Variants in C1orf21 observed in about 807,000 individuals in gnomAD.
The protein encoded by C1orf21 is uncharacterized protein C1orf21.
Under a neutral mutation model 18.7 loss-of-function variants are expected in C1orf21, and 3 were observed. The ratio of observed to expected loss-of-function variants is 0.16; its 90% CI spans 0.07 to 0.42. The LOEUF (loss-of-function observed/expected upper bound fraction) is 0.42, where lower values mean the gene tolerates loss of function less well. Ranked by LOEUF, C1orf21 falls within the 10% of genes least tolerant of loss-of-function variation. The pLI, the probability that C1orf21 is intolerant of heterozygous loss-of-function variation, is 0.99. For synonymous variants in C1orf21, 41 were observed against 46.4 expected, an observed-to-expected ratio of 0.88 and a Z score of 0.47; for missense variants, 104 against 143.6, an observed-to-expected ratio of 0.72 and a Z score of 1.41.
At chr1:184,444,767 A>G (rs371140273) in intron 1 of C1orf21, among the ~76,000 whole-genome samples, 4 of 152,150 alleles carry the variant, frequency 2.6e-5, no homozygotes, top group African/African-American at 4.8e-5. Context: ...CAAGCATTCA[A>G]TGAATCCGTG....
At chr1:184,468,406 A>G (rs1158072213) in intron 1 of C1orf21, among the ~76,000 whole-genome samples, 3 of 152,050 alleles carry the variant, frequency 2.0e-5, no homozygotes, top group Non-Finnish European at 4.4e-5. Context: ...AAGGAGGGGG[A>G]AAAAAGGAGG....
chr1:184,571,447 A>G (rs188618650), intron 3 of C1orf21, among the ~76,000 whole-genome samples: 6 of 152,360 alleles, frequency 3.9e-5, no homozygotes, highest in South Asian at 2.1e-4. Flanking sequence ...CCTAGTATCA[A>G]TGCCGGCTAT....
At chr1:184,454,842 G>A (rs568594095) in intron 1 of C1orf21, among the ~76,000 whole-genome samples, 59 of 152,158 alleles carry the variant, frequency 3.9e-4, no homozygotes, top group African/African-American at 1.4e-3. Flanking sequence ...AAATTACCCA[G>A]TCTCAGGTGT....
intron 3 of C1orf21, among the ~76,000 whole-genome samples, chr1:184,510,042 C>A (rs1054950150): frequency 3.9e-5 from 6 of 152,202 alleles, no homozygotes; most frequent in Admixed American, 3.9e-4. Flanking sequence ...ACATGATAAG[C>A]ACCACCTGTA....
chr1:184,597,212 G>T (rs768470819), intron 4 of C1orf21, among the ~76,000 whole-genome samples: 4 of 152,206 alleles, frequency 2.6e-5, no homozygotes, highest in Non-Finnish European at 5.9e-5. Context: ...GTAAAATTAC[G>T]TGATATATGT....
chr1:184,565,254 A>G (rs1659020014), intron 3 of C1orf21, among the ~76,000 whole-genome samples: 1 of 152,260 alleles, frequency 6.6e-6, no homozygotes, highest in Non-Finnish European at 1.5e-5. Flanking sequence ...AATTAATAGT[A>G]TCTAAGAATT....
chr1:184,432,318 T>C (rs1341189924), intron 1 of C1orf21, among the ~76,000 whole-genome samples: 1 of 152,136 alleles, frequency 6.6e-6, no homozygotes, highest in African/African-American at 2.4e-5. Context: ...GTGGCACATA[T>C]ACATGGAATA....
At chr1:184,442,005 A>C (rs1470080798) in intron 1 of C1orf21, among the ~76,000 whole-genome samples, 1 of 152,196 alleles carries the variant, frequency 6.6e-6, no homozygotes, top group East Asian at 1.9e-4. Flanking sequence ...CAGACTGGTA[A>C]TAAAGTGTAT....
intron 3 of C1orf21, among the ~76,000 whole-genome samples, chr1:184,556,022 A>T (rs1553256222): frequency 6.6e-6 from 1 of 152,008 alleles, no homozygotes; most frequent in Non-Finnish European, 1.5e-5. Context: ...AACGATCTGT[A>T]AGAAATGTCC....
At chr1:184,406,422 A>G (rs1037222974) in intron 1 of C1orf21, among the ~76,000 whole-genome samples, 2 of 152,184 alleles carry the variant, frequency 1.3e-5, no homozygotes, top group Admixed American at 1.3e-4. Flanking sequence ...GATATTAATG[A>G]TAAGTGTTGT....
At chr1:184,473,812 G>A (rs979149535) in intron 1 of C1orf21, among the ~76,000 whole-genome samples, 11 of 152,166 alleles carry the variant, frequency 7.2e-5, no homozygotes, top group East Asian at 1.9e-4. Context: ...ATAGCTGTAC[G>A]TCATTGCTGC....
intron 1 of C1orf21, among the ~76,000 whole-genome samples, chr1:184,474,421 C>G (rs1479989348): frequency 2.0e-5 from 3 of 152,156 alleles, no homozygotes; most frequent in African/African-American, 7.2e-5. Flanking sequence ...AGCCATTCTT[C>G]TGTGTCTTAT....
chr1:184,504,604 CAGATGGATATCT>C (rs1438792412), intron 2 of C1orf21, among the ~76,000 whole-genome samples: 2 of 152,188 alleles, frequency 1.3e-5, no homozygotes, highest in Non-Finnish European at 2.9e-5. Context: ...TGTCTGTTTC[CAGATGGATATCT>C]TCCTTCCCGG....
chr1:184,453,617 C>A (rs1373601150), intron 1 of C1orf21, among the ~76,000 whole-genome samples: 2 of 152,076 alleles, frequency 1.3e-5, no homozygotes, highest in African/African-American at 4.8e-5. Context: ...GATACTGCCA[C>A]CTATTTTAGT....
chr1:184,410,663 A>ATATATATATATTT (rs67546366), intron 1 of C1orf21, among the ~76,000 whole-genome samples: 1 of 7,672 alleles, frequency 1.3e-4, no homozygotes, highest in Non-Finnish European at 1.9e-4. Context: ...ATATATATAT[A>ATATATATATATTT]TTTTTTTTTT....
intron 1 of C1orf21, among the ~76,000 whole-genome samples, chr1:184,451,354 G>A (rs1245258764): frequency 1.3e-5 from 2 of 151,850 alleles, no homozygotes; most frequent in Admixed American, 6.6e-5. Flanking sequence ...GCAACGGCAC[G>A]ATCATAGCTC....
In C1orf21 at chr1:184,429,848, C is replaced by G. The variant is rs138683155; in HGVS notation, c.-125+42480C>G. 6.7e-3 allele frequency among the ~76,000 whole-genome samples: 1,015 copies of G among 152,216 alleles called. 7 individuals carry two copies. The highest frequency in any genetic ancestry group is 0.011 in the South Asian group (52 of 4,808). On this transcript the variant is annotated intron_variant, in intron 1 of 5. Coordinates refer to ENST00000235307, the MANE Select transcript of C1orf21 (RefSeq NM_030806.4). ...GTTTGGCTGGGCATGCTGGCTTACA[C>G]TTGTAATCCCAGCACTTTGGGAGGC... is the stretch of plus-strand genomic sequence containing the variant.
chr1:184,608,311 A>G (rs1156431436), intron 5 of C1orf21, among the ~76,000 whole-genome samples: 1 of 152,240 alleles, frequency 6.6e-6, no homozygotes, highest in African/African-American at 2.4e-5. Context: ...TGTCAAATAG[A>G]AAAAACAAAG....
At chr1:184,612,799 C>G (rs1041250004) in intron 5 of C1orf21, among the ~76,000 whole-genome samples, 3 of 152,140 alleles carry the variant, frequency 2.0e-5, no homozygotes, top group Admixed American at 2.0e-4. Context: ...CCAGAGTCAA[C>G]AAGAAGAAGG....
Sources: gnomAD v4.1 joint callset for allele counts (sites outside exome capture counted in the v4.1 genomes callset) on GRCh38, gnomAD v4.1.1 for gene constraint, MANE v1.5 for transcripts, NCBI Gene and HGNC (gene_info 2026-07-23, HGNC 2026-07-21) for gene names.